The following QKI variants were observed in gnomAD, a reference collection of about 807,000 sequenced individuals.
The protein encoded by QKI is KH domain-containing RNA-binding protein QKI.
Under a neutral mutation model 39.0 loss-of-function variants are expected in QKI, and 10 were observed. That is an observed-to-expected ratio of 0.26 (90% CI 0.16 to 0.43). QKI has a LOEUF of 0.43. Ranked by LOEUF, QKI falls within the 20% of genes least tolerant of loss-of-function variation. QKI has a pLI of 1.00. For synonymous variants in QKI, 204 were observed against 155.4 expected (o/e 1.31, Z -2.33); for missense variants, 218 against 428.0 (o/e 0.51, Z 4.33).
intron 2 of QKI, among the ~76,000 whole-genome samples, chr6:163,472,716 C>G (rs1792293844): frequency 6.6e-6 from 1 of 152,018 alleles, no homozygotes; most frequent in South Asian, 2.1e-4. Context: ...AGCTAAAAAT[C>G]AAAACTACAG....
chr6:163,540,404 T>C (rs1431013875), intron 4 of QKI, among the ~76,000 whole-genome samples: 1 of 152,196 alleles, frequency 6.6e-6, no homozygotes, highest in East Asian at 1.9e-4. Flanking sequence ...TAAAATAATT[T>C]TGAAGATTGT....
intron 3 of QKI, among the ~76,000 whole-genome samples, chr6:163,513,945 G>A (rs1197910739): frequency 1.3e-5 from 2 of 152,060 alleles, no homozygotes; most frequent in African/African-American, 4.8e-5. Flanking sequence ...TGCTCTTGGT[G>A]GGCTGGATTT....
intron 3 of QKI, among the ~76,000 whole-genome samples, chr6:163,484,261 G>C: frequency 6.6e-6 from 1 of 150,752 alleles, no homozygotes; most frequent in East Asian, 2.0e-4. Context: ...GGTGTGTAGT[G>C]GTGCAATCTC....
intron 1 of QKI, among the ~76,000 whole-genome samples, chr6:163,436,795 A>C (rs1214374765): frequency 6.7e-6 from 1 of 149,350 alleles, no homozygotes; most frequent in Non-Finnish European, 1.5e-5. Context: ...GTCTCAAAAA[A>C]AAAAAAAAAA....
At chr6:163,565,089 C>T in intron 6 of QKI, 1 of 1,032,748 alleles carries the variant, frequency 9.7e-7, no homozygotes, top group Non-Finnish European at 1.2e-6. Flanking sequence ...TACATGTTTT[C>T]TGTTTAAATC....
chr6:163,416,624 T>A (rs929408909), intron 1 of QKI: 5 of 152,150 alleles, frequency 3.3e-5, no homozygotes, highest in African/African-American at 1.2e-4. Context: ...GTTTCCATGA[T>A]AAAAAATGGT....
At chr6:163,442,043 T>C (rs953583374) in intron 1 of QKI, among the ~76,000 whole-genome samples, 3 of 152,212 alleles carry the variant, frequency 2.0e-5, no homozygotes, top group Non-Finnish European at 2.9e-5. Context: ...TAAGATGTTA[T>C]TTGCCATTTT....
intron 1 of QKI, among the ~76,000 whole-genome samples, chr6:163,429,667 TA>T (rs1788679787): frequency 6.6e-6 from 1 of 152,148 alleles, no homozygotes; most frequent in Admixed American, 6.5e-5. Flanking sequence ...TAATCTGAAA[TA>T]AGCATTTTAT....
chr6:163,525,375 C>A (rs1173571316), intron 3 of QKI, among the ~76,000 whole-genome samples: 1 of 142,100 alleles, frequency 7.0e-6, no homozygotes, highest in Non-Finnish European at 1.5e-5. Context: ...TCCTTTCTTT[C>A]TTGACGGAGT....
chr6:163,486,713 T>G (rs1160630928), intron 3 of QKI, among the ~76,000 whole-genome samples: 3 of 152,204 alleles, frequency 2.0e-5, no homozygotes, highest in African/African-American at 7.2e-5. Context: ...GTTTATAGTT[T>G]GGTATGTCTT....
chr6:163,488,970 TTTC>T (rs1301340156), intron 3 of QKI, among the ~76,000 whole-genome samples: 8 of 110,998 alleles, frequency 7.2e-5, no homozygotes, highest in African/African-American at 2.4e-4. Context: ...TATCCTTCCA[TTTC>T]TTTTTTTTTT....
chr6:163,513,361 C>T (rs1301280348), intron 3 of QKI, among the ~76,000 whole-genome samples: 1 of 151,954 alleles, frequency 6.6e-6, no homozygotes, highest in African/African-American at 2.4e-5. Context: ...TATGTATCAC[C>T]AACTTGGTGA....
chr6:163,499,733 C>G (rs1048984261), intron 3 of QKI, among the ~76,000 whole-genome samples: 58 of 151,706 alleles, frequency 3.8e-4, no homozygotes, highest in African/African-American at 1.4e-3. Flanking sequence ...ACTATTCTTT[C>G]TTCTACTTTT....
At chr6:163,557,745 G>T (rs1782724222) in intron 4 of QKI, among the ~76,000 whole-genome samples, 1 of 151,696 alleles carries the variant, frequency 6.6e-6, no homozygotes, top group African/African-American at 2.4e-5. Flanking sequence ...TGATTAATAT[G>T]CATTATATGC....
intron 3 of QKI, among the ~76,000 whole-genome samples, chr6:163,483,465 A>G (rs1217765368): frequency 6.6e-6 from 1 of 152,206 alleles, no homozygotes; most frequent in Non-Finnish European, 1.5e-5. Context: ...CTGTTGCTTT[A>G]TAAACTAAGT....
intron 7 of QKI, chr6:163,567,911 A>C: frequency 1.0e-6 from 1 of 985,588 alleles, no homozygotes. Flanking sequence ...TAAATACTAG[A>C]CACAGCTGTT....
intron 1 of QKI, among the ~76,000 whole-genome samples, chr6:163,443,192 T>G (rs747126238): frequency 1.3e-5 from 2 of 152,264 alleles, no homozygotes; most frequent in Non-Finnish European, 2.9e-5. Context: ...ATATTTTTGC[T>G]GAATTTTATT....
chr6:163,522,122 A>G (rs1780199431), intron 3 of QKI, among the ~76,000 whole-genome samples: 1 of 152,210 alleles, frequency 6.6e-6, no homozygotes, highest in African/African-American at 2.4e-5. Flanking sequence ...TGTAACCTTT[A>G]CAGATGAGAA....
At chr6:163,567,208 A>G (rs1783417795) in intron 7 of QKI, 1 of 992,224 alleles carries the variant, frequency 1.0e-6, no homozygotes, top group Non-Finnish European at 1.2e-6. Context: ...AAAGGAATAT[A>G]TGCCTCCTGT....
Sources: gnomAD v4.1 joint callset for allele counts (sites outside exome capture counted in the v4.1 genomes callset) on GRCh38, gnomAD v4.1.1 for gene constraint, MANE v1.5 for transcripts, NCBI Gene and HGNC (gene_info 2026-07-23, HGNC 2026-07-21) for gene names.